The following LY96 variants were observed in gnomAD, a reference collection of about 807,000 sequenced individuals.
The protein encoded by LY96 is myeloid differentiation protein-2.
A neutral mutation model predicts 18.9 loss-of-function variants in LY96; 18 were observed. The ratio of observed to expected loss-of-function variants is 0.95; its 90% CI spans 0.66 to 1.41. LY96 has a LOEUF of 1.41. Among genes scored for constraint, LY96 ranks in the 40% most tolerant of loss-of-function variants. The pLI is 0.00. For synonymous variants in LY96, 66 were observed against 62.6 expected (o/e 1.06, Z -0.26); for missense variants, 175 against 182.4 (o/e 0.96, Z 0.23).
the LY96 span, among the ~76,000 whole-genome samples, chr8:74,044,577 A>G: frequency 1.8e-4 from 25 of 141,674 alleles, no homozygotes; most frequent in African/African-American, 5.8e-4. Flanking sequence ...TTGGCAGGGT[A>G]AAAAAAAAAA....
chr8:74,069,722 C>A, the LY96 span, among the ~76,000 whole-genome samples: 1 of 152,178 alleles, frequency 6.6e-6, no homozygotes, highest in South Asian at 2.1e-4. Context: ...CCCCTCTCAG[C>A]CTCCTGAGTA....
At chr8:74,036,372 A>T in the LY96 span, among the ~76,000 whole-genome samples, 1 of 152,280 alleles carries the variant, frequency 6.6e-6, no homozygotes, top group Non-Finnish European at 1.5e-5. Context: ...TAGTTCTGTA[A>T]TCCTGTACTG....
chr8:74,042,176 T>C, the LY96 span, among the ~76,000 whole-genome samples: 1 of 152,280 alleles, frequency 6.6e-6, no homozygotes, highest in Non-Finnish European at 1.5e-5. Flanking sequence ...TAATTAAAAA[T>C]AACAAAGGCA....
the LY96 span, among the ~76,000 whole-genome samples, chr8:74,035,170 A>C: frequency 3.3e-5 from 5 of 152,210 alleles, no homozygotes; most frequent in Non-Finnish European, 7.3e-5. Context: ...AAGATAAGTC[A>C]GTTTTGTAAC....
chr8:74,081,628 A>T, the LY96 span, among the ~76,000 whole-genome samples: 1 of 151,920 alleles, frequency 6.6e-6, no homozygotes, highest in Non-Finnish European at 1.5e-5. Context: ...TCCTGGGCTC[A>T]AACAATTTTC....
the LY96 span, among the ~76,000 whole-genome samples, chr8:74,090,217 A>C: frequency 6.6e-6 from 1 of 152,098 alleles, no homozygotes; most frequent in African/African-American, 2.4e-5. Flanking sequence ...TTCTTAGCTG[A>C]GGTGATGAAA....
chr8:73,994,626 A>G (rs1270879548), intron 1 of LY96, among the ~76,000 whole-genome samples: 1 of 152,132 alleles, frequency 6.6e-6, no homozygotes, highest in African/African-American at 2.4e-5. Context: ...AGCTGGGACT[A>G]CAGGCGTGCA....
At chr8:74,080,882 C>T in the LY96 span, among the ~76,000 whole-genome samples, 27 of 152,342 alleles carry the variant, frequency 1.8e-4, no homozygotes, top group South Asian at 5.2e-3. Context: ...ATGGCTGACT[C>T]TTGTGCAGAA....
At chr8:74,074,531 G>T in the LY96 span, among the ~76,000 whole-genome samples, 1 of 151,140 alleles carries the variant, frequency 6.6e-6, no homozygotes, top group African/African-American at 2.4e-5. Context: ...TACTAATTTT[G>T]GGTCTGGTTT....
chr8:73,992,169 A>G (rs1457033716), intron 1 of LY96, among the ~76,000 whole-genome samples: 1 of 151,840 alleles, frequency 6.6e-6, no homozygotes, highest in African/African-American at 2.4e-5. Context: ...TTTTTTTTGG[A>G]GTCAGCCATA....
chr8:74,048,877 AGAAAGAAAGAAT>A, the LY96 span: 2 of 151,948 alleles, frequency 1.3e-5, no homozygotes, highest in African/African-American at 4.8e-5. Flanking sequence ...AAAGAAAAGG[AGAAAGAAAGAAT>A]GAAAGAAAAA....
chr8:74,087,809 C>G, the LY96 span, among the ~76,000 whole-genome samples: 2 of 152,148 alleles, frequency 1.3e-5, no homozygotes, highest in Non-Finnish European at 2.9e-5. Context: ...TTGTCCTCAC[C>G]TTGCTATAAA....
the LY96 span, among the ~76,000 whole-genome samples, chr8:74,084,312 T>C: frequency 6.6e-6 from 1 of 152,276 alleles, no homozygotes; most frequent in East Asian, 1.9e-4. Flanking sequence ...ATTAACTCAG[T>C]CCCTTAGCTC....
chr8:74,054,350 C>T, the LY96 span, among the ~76,000 whole-genome samples: 1 of 152,000 alleles, frequency 6.6e-6, no homozygotes, highest in Non-Finnish European at 1.5e-5. Flanking sequence ...AATAAATTAC[C>T]CAGTCAGTAG....
the LY96 span, among the ~76,000 whole-genome samples, chr8:74,062,789 A>G: frequency 6.6e-6 from 1 of 152,212 alleles, no homozygotes; most frequent in African/African-American, 2.4e-5. Flanking sequence ...AGTTAGTCGC[A>G]TGACTAGTCA....
chr8:74,057,568 G>A, the LY96 span, among the ~76,000 whole-genome samples: 6 of 152,178 alleles, frequency 3.9e-5, no homozygotes, highest in Non-Finnish European at 5.9e-5. Context: ...CATGTCTCAT[G>A]TAGGTGACTC....
the LY96 span, among the ~76,000 whole-genome samples, chr8:74,041,361 G>T: frequency 2.9e-4 from 44 of 152,160 alleles, no homozygotes; most frequent in African/African-American, 1.0e-3. Context: ...ATGTGTGTTT[G>T]AACAATATGA....
intron 3 of LY96, among the ~76,000 whole-genome samples, chr8:74,026,291 A>G (rs1028109593): frequency 6.6e-6 from 1 of 152,292 alleles, no homozygotes; most frequent in East Asian, 1.9e-4. Context: ...TGTGCTCCAC[A>G]GCTTGTGTGG....
chr8:74,054,608 T>G, the LY96 span, among the ~76,000 whole-genome samples: 1 of 97,806 alleles, frequency 1.0e-5, no homozygotes, highest in African/African-American at 3.9e-5. Flanking sequence ...TCTTTCTTGT[T>G]TCCTTTTCCT....
Sources: gnomAD v4.1 joint callset for allele counts (sites outside exome capture counted in the v4.1 genomes callset) on GRCh38, gnomAD v4.1.1 for gene constraint, MANE v1.5 for transcripts, NCBI Gene and HGNC (gene_info 2026-07-23, HGNC 2026-07-21) for gene names.